KHDC1: variants seen among roughly 807,000 people sequenced by gnomAD.
KHDC1 encodes KH homology domain-containing protein 1.
Under a neutral mutation model 24.7 loss-of-function variants are expected in KHDC1, and 21 were observed. That is an observed-to-expected ratio of 0.85 (90% confidence interval 0.60 to 1.23). The LOEUF is 1.23. Among genes scored for constraint, KHDC1 ranks in the 50% most tolerant of loss-of-function variants. The pLI, the probability that KHDC1 is intolerant of heterozygous loss-of-function variation, is 0.00. For missense variants in KHDC1, 274 were observed against 298.5 expected, an observed-to-expected ratio of 0.92 and a Z score of 0.61; for synonymous variants, 98 against 111.7, an observed-to-expected ratio of 0.88 and a Z score of 0.77.
At chr6:73,299,381 G>A (rs1272691143) in intron 1 of KHDC1, 1 of 152,292 alleles carries the variant, frequency 6.6e-6, no homozygotes, top group Admixed American at 6.5e-5. Flanking sequence ...ACTGTTCCGT[G>A]AGCAGCTTTG....
chr6:73,261,884 C>T (rs927425618), intron 2 of KHDC1, among the ~76,000 whole-genome samples: 3 of 151,104 alleles, frequency 2.0e-5, no homozygotes, highest in Non-Finnish European at 2.9e-5. Flanking sequence ...TGCACTCCAG[C>T]CTGGGTGACA....
At chr6:73,291,241 G>T in intron 2 of KHDC1, 1 of 403,760 alleles carries the variant, frequency 2.5e-6, no homozygotes, top group East Asian at 7.0e-5. Flanking sequence ...CCACTGAATG[G>T]GTAAGAATAA....
intron 1 of KHDC1, among the ~76,000 whole-genome samples, chr6:73,303,235 A>C (rs1767907661): frequency 6.6e-6 from 1 of 151,926 alleles, no homozygotes; most frequent in African/African-American, 2.4e-5. Context: ...ATAGAGAATA[A>C]AATGGTGGTT....
chr6:73,252,005 G>A (rs1766785651), intron 2 of KHDC1, among the ~76,000 whole-genome samples: 1 of 149,610 alleles, frequency 6.7e-6, no homozygotes, highest in South Asian at 2.1e-4. Flanking sequence ...TTATAGGCGT[G>A]AGCCACAGGG....
intron 2 of KHDC1, among the ~76,000 whole-genome samples, chr6:73,267,779 G>C (rs1329962951): frequency 6.6e-6 from 1 of 152,000 alleles, no homozygotes; most frequent in African/African-American, 2.4e-5. Context: ...CCCAAGAATT[G>C]ATGAGCAGAT....
At chr6:73,273,149 GC>G (rs1156889462) in intron 2 of KHDC1, among the ~76,000 whole-genome samples, 2 of 128,134 alleles carry the variant, frequency 1.6e-5, no homozygotes, top group African/African-American at 5.9e-5. Flanking sequence ...GTGAGCCACC[GC>G]GCCCAGCTTT....
chr6:73,304,499 C>G (rs1767927744), intron 1 of KHDC1, among the ~76,000 whole-genome samples: 1 of 152,110 alleles, frequency 6.6e-6, no homozygotes, highest in Non-Finnish European at 1.5e-5. Flanking sequence ...CGGGGTCTCA[C>G]TATGTTGCCC....
intron 2 of KHDC1, among the ~76,000 whole-genome samples, chr6:73,243,853 C>T (rs1766618909): frequency 1.3e-5 from 2 of 152,222 alleles, no homozygotes; most frequent in Non-Finnish European, 2.9e-5. Flanking sequence ...CATTCATACA[C>T]CATGAAACTT....
intron 1 of KHDC1, among the ~76,000 whole-genome samples, chr6:73,305,235 C>T (rs1419987793): frequency 6.6e-6 from 1 of 151,732 alleles, no homozygotes; most frequent in African/African-American, 2.4e-5. Context: ...GAGCAAGACT[C>T]CATCTCAAAA....
intron 2 of KHDC1, among the ~76,000 whole-genome samples, chr6:73,261,033 C>G (rs1219748084): frequency 6.6e-6 from 1 of 152,180 alleles, no homozygotes; most frequent in Non-Finnish European, 1.5e-5. Flanking sequence ...AGCCCATAAT[C>G]TCACATCATG....
At chr6:73,289,872 G>A (rs916961673) in intron 2 of KHDC1, among the ~76,000 whole-genome samples, 13 of 151,720 alleles carry the variant, frequency 8.6e-5, no homozygotes, top group Non-Finnish European at 1.3e-4. Context: ...AGGCCGAGGC[G>A]GGTGGATCAT....
intron 2 of KHDC1, among the ~76,000 whole-genome samples, chr6:73,284,196 CA>C (rs1344914506): frequency 6.6e-6 from 1 of 152,138 alleles, no homozygotes; most frequent in Non-Finnish European, 1.5e-5. Flanking sequence ...TGACTTCTGC[CA>C]AAATGTAGGC....
intron 2 of KHDC1, chr6:73,290,287 GAAAAGA>G (rs141107498): frequency 0.15 from 24,388 of 165,106 alleles, 2,209 homozygotes; most frequent in African/African-American, 0.26. Context: ...AAAAAAAAAA[GAAAAGA>G]AAAAGAAAAA....
intron 1 of KHDC1, among the ~76,000 whole-genome samples, chr6:73,293,786 C>G (rs544740056): frequency 6.6e-6 from 1 of 152,008 alleles, no homozygotes; most frequent in Non-Finnish European, 1.5e-5. Context: ...ACGGGTGGAT[C>G]ACCTGAGGTC....
At chr6:73,290,790 GCTAA>G (rs1308950949) in intron 2 of KHDC1, 5 of 339,444 alleles carry the variant, frequency 1.5e-5, no homozygotes, top group South Asian at 2.6e-5. Context: ...TGATTCTAGG[GCTAA>G]CTATCAGCCT....
At chr6:73,263,628 C>A (rs1767029612) in intron 2 of KHDC1, among the ~76,000 whole-genome samples, 1 of 150,872 alleles carries the variant, frequency 6.6e-6, no homozygotes, top group South Asian at 2.1e-4. Flanking sequence ...GGGGGTGACC[C>A]AGGCCCACCC....
At chr6:73,307,851 C>T (rs2150758710) in intron 1 of KHDC1, among the ~76,000 whole-genome samples, 2 of 152,234 alleles carry the variant, frequency 1.3e-5, no homozygotes, top group Admixed American at 1.3e-4. Context: ...TGCCTCACCC[C>T]CAGAGTTTCT....
Position 73,309,454 on chromosome 6 carries a change from A to AGCT in KHDC1, c.163+95_163+97dup, listed in dbSNP as rs1768037982. The AGCT allele has an allele frequency of 1.2e-5, 15 of 1,239,914 alleles. No individual in the cohort carries two copies. The East Asian group carries it at 3.9e-4, about 32-fold the overall frequency. The allele number at this position is 1,239,914 out of a possible 1,614,324, so 76.8% of individuals were successfully genotyped here. On this transcript the variant is annotated intron_variant, in intron 1 of 4. Transcript: ENST00000370384. ...ACTGTCCTAGGCCTTCAGACTAAGG[A>AGCT]GCTGGAGTGATCCTGAAAGATCCCG...
At chr6:73,290,292 GA>G (rs1192232221) in intron 2 of KHDC1, 39 of 119,620 alleles carry the variant, frequency 3.3e-4, no homozygotes, top group Non-Finnish European at 4.9e-4. Context: ...AAAAAGAAAA[GA>G]AAAAGAAAAA....
Sources: gnomAD v4.1 joint callset for allele counts (sites outside exome capture counted in the v4.1 genomes callset) on GRCh38, gnomAD v4.1.1 for gene constraint, MANE v1.5 for transcripts, NCBI Gene and HGNC (gene_info 2026-07-23, HGNC 2026-07-21) for gene names.